Variants in PHIP observed in about 807,000 individuals in gnomAD.
PHIP encodes PHIP subunit of CUL4-Ring ligase complex.
PHIP carries 54 observed loss-of-function variants against 236.8 expected under a neutral mutation model. That is an observed-to-expected ratio of 0.23 (90% CI 0.18 to 0.29). The LOEUF is 0.29. Among genes scored for constraint, PHIP ranks in the 10% least tolerant of loss-of-function variants. PHIP has a pLI of 1.00. For missense variants in PHIP, 1,370 were observed against 2,190.8 expected (o/e 0.63, Z 7.48); for synonymous variants, 756 against 718.9 (o/e 1.05, Z -0.83).
chr6:78,975,576 G>T (rs1003951457), intron 24 of PHIP, among the ~76,000 whole-genome samples: 4 of 152,190 alleles, frequency 2.6e-5, no homozygotes, highest in Admixed American at 6.5e-5. Flanking sequence ...AAAAGAGGAA[G>T]TCAAATTGTC....
chr6:78,975,307 T>C (rs893222848), intron 24 of PHIP, among the ~76,000 whole-genome samples: 19 of 152,132 alleles, frequency 1.2e-4, no homozygotes, highest in African/African-American at 3.9e-4. Flanking sequence ...GAAAAGGCCT[T>C]TGACAAAAAT....
At chr6:79,046,777 G>A (rs1284492883) in intron 6 of PHIP, among the ~76,000 whole-genome samples, 1 of 152,066 alleles carries the variant, frequency 6.6e-6, no homozygotes, top group Non-Finnish European at 1.5e-5. Flanking sequence ...GTGGGAGGCT[G>A]AGGCAGAAGA....
rs768419396 is a variant in PHIP at position 79,016,494 on chromosome 6, A to T, written c.1235+50T>A. 9 of 1,179,558 alleles carry T rather than the reference A, an allele frequency of 7.6e-6. No individual in the cohort carries two copies. In the South Asian group the frequency reaches 1.0e-4, roughly 14 times the overall value. 73.1% of individuals were successfully genotyped at this position (1,179,558 alleles called of 1,614,324 possible). ...GAGAGTCACCAACCTGCACTATAAC[A>T]TACTTTAAAAAATCAATATATACAT... On this transcript the variant is annotated intron_variant, in intron 13 of 39. Transcript: ENST00000275034.
rs891238061 is a variant in PHIP at position 79,024,341 on chromosome 6, A to G, written c.923+1178T>C. Among the ~76,000 whole-genome samples, 5 of 152,318 alleles carry G rather than the reference A, an allele frequency of 3.3e-5. No individual in the cohort carries two copies. In the East Asian group the frequency reaches 5.8e-4, roughly 18 times the overall value. On this transcript the variant is annotated intron_variant, in intron 9 of 39. Transcript: ENST00000275034. ...TTATACATAGCAGTCAGAGATAATT[A>G]CTGATATATACCTTCTAATCTGAAT...
intron 4 of PHIP, among the ~76,000 whole-genome samples, chr6:79,067,029 T>C (rs912582791): frequency 6.6e-6 from 1 of 152,128 alleles, no homozygotes; most frequent in African/African-American, 2.4e-5. Context: ...GCTGAGACTA[T>C]AGGTGCGTTA....
At chr6:79,048,609 A>C (rs1004866688) in intron 6 of PHIP, among the ~76,000 whole-genome samples, 2 of 152,214 alleles carry the variant, frequency 1.3e-5, no homozygotes, top group Non-Finnish European at 2.9e-5. Flanking sequence ...CCATGGTTAA[A>C]AAAGATGACT....
chr6:78,979,199 T>C (rs1768339172), intron 23 of PHIP, among the ~76,000 whole-genome samples: 4 of 152,114 alleles, frequency 2.6e-5, no homozygotes, highest in Middle Eastern at 6.8e-3. Context: ...AAACACTTAT[T>C]CTAGAAAAAA....
chr6:78,988,925 A>G (rs1582176625), intron 20 of PHIP, among the ~76,000 whole-genome samples: 2 of 152,334 alleles, frequency 1.3e-5, no homozygotes, highest in African/African-American at 4.8e-5. Flanking sequence ...CTACCCTGCC[A>G]CTATGAAGAT....
At chr6:78,986,369 C>T (rs530559117) in intron 21 of PHIP, among the ~76,000 whole-genome samples, 1 of 152,294 alleles carries the variant, frequency 6.6e-6, no homozygotes, top group Non-Finnish European at 1.5e-5. Context: ...CTTAAATAAA[C>T]TTTATGCTCC....
chr6:79,032,769 A>C (rs995509512), intron 7 of PHIP, among the ~76,000 whole-genome samples: 4 of 151,562 alleles, frequency 2.6e-5, no homozygotes, highest in African/African-American at 9.7e-5. Context: ...AATGTTCTTA[A>C]TGGCATCTAG....
chr6:79,064,604 C>T (rs1224279549), intron 4 of PHIP, among the ~76,000 whole-genome samples: 2 of 152,174 alleles, frequency 1.3e-5, no homozygotes, highest in Non-Finnish European at 2.9e-5. Context: ...TTGAACACTT[C>T]CTCATTTGCA....
chr6:79,002,148 A>C, intron 16 of PHIP, 24 bp from the exon 17 acceptor site: 1 of 1,504,290 alleles, frequency 6.6e-7, no homozygotes, highest in Non-Finnish European at 9.2e-7. Flanking sequence ...AGTCCATAAA[A>C]GACTGGAAAA....
intron 29 of PHIP, 78 bp from the exon 30 acceptor site, chr6:78,963,330 C>G (rs1473606772): frequency 8.9e-7 from 1 of 1,121,722 alleles, no homozygotes; most frequent in African/African-American, 1.6e-5. Context: ...GTAAAAATAA[C>G]AGTCACAAAA....
At chr6:79,044,451 C>A (rs948529538) in intron 6 of PHIP, among the ~76,000 whole-genome samples, 1 of 152,140 alleles carries the variant, frequency 6.6e-6, no homozygotes, top group African/African-American at 2.4e-5. Context: ...TAAAAGACAT[C>A]CTCCAATGCT....
In PHIP at chr6:78,941,116, G is replaced by A. The variant is rs777455779; in HGVS notation, c.5043C>T (p.Pro1681=). 1.9e-6 allele frequency: 3 copies of A among 1,613,646 alleles called. No homozygotes were observed. The highest frequency in any genetic ancestry group is 2.5e-6 in the Non-Finnish European group (3 of 1,179,740). The change falls in exon 40 of 40, where the codon CCC becomes CCT. Residue 1681 remains proline, a synonymous_variant. Coordinates refer to ENST00000275034, the MANE Select transcript of PHIP (RefSeq NM_017934.7). The part of the protein sequence containing the change: ...PEDLEQNNVH[P]IRDEVLPSST... Reference sequence around the variant, plus strand: ...AAGAAGGAAGTACTTCATCTCTGATGGGATGCACATTATTTTGCTCTAAAT... The same window carrying A: ...AAGAAGGAAGTACTTCATCTCTGATAGGATGCACATTATTTTGCTCTAAAT...
At chr6:79,036,577 A>G (rs1186306751) in intron 7 of PHIP, among the ~76,000 whole-genome samples, 1 of 152,128 alleles carries the variant, frequency 6.6e-6, no homozygotes, top group African/African-American at 2.4e-5. Flanking sequence ...CTCTCTCCAT[A>G]TAACATACAC....
intron 23 of PHIP, among the ~76,000 whole-genome samples, chr6:78,979,416 G>A (rs1439302982): frequency 2.0e-5 from 3 of 151,850 alleles, no homozygotes; most frequent in African/African-American, 7.3e-5. Context: ...AACAAACCAA[G>A]ACAGCCTAGA....
At chr6:79,001,816 C>T in intron 17 of PHIP, 83 bp downstream of exon 17, 2 of 846,744 alleles carry the variant, frequency 2.4e-6, no homozygotes, top group Non-Finnish European at 4.0e-6. Context: ...TTAACAACTG[C>T]AAACAAAGTT....
chr6:79,019,772 A>C (rs9350800), intron 9 of PHIP, among the ~76,000 whole-genome samples: 69,002 of 151,828 alleles, frequency 0.45, 16,271 homozygotes, highest in East Asian at 0.69. Context: ...AACAGGTTAC[A>C]CACAGCTGTA....
Sources: allele counts gnomAD v4.1 joint callset (sites outside exome capture counted in the v4.1 genomes callset), GRCh38; gene constraint gnomAD v4.1.1; transcripts MANE v1.5; gene names NCBI Gene and HGNC (gene_info 2026-07-23, HGNC 2026-07-21).